TRPM6: variants seen among roughly 807,000 people sequenced by gnomAD.
TRPM6 encodes the protein transient receptor potential cation channel subfamily M member 6, also known as channel kinase 2.
TRPM6 carries 111 observed loss-of-function variants against 247.6 expected under a neutral mutation model. The observed-to-expected ratio is 0.45, with a 90% CI of 0.38 to 0.52. The LOEUF is 0.52. Among genes scored for constraint, TRPM6 ranks in the 20% least tolerant of loss-of-function variants. The probability of loss-of-function intolerance (pLI) is 0.00; values close to 1 mark genes in which losing one functional copy is unlikely to be tolerated. For missense variants in TRPM6, 2,126 were observed against 2,421.5 expected, an observed-to-expected ratio of 0.88 and a Z score of 2.56; for synonymous variants, 892 against 853.8, an observed-to-expected ratio of 1.04 and a Z score of -0.78.
Position 74,840,143 on chromosome 9 carries a change from A to G in TRPM6, c.425T>C (p.Val142Ala). ...AGTAAAGTTCTGGATGCCCCCATGG[A>G]CTGAGATCACAAGCTTGGGCAGTTC... The part of the protein sequence containing the change: ...KMELPKLVIS[V>A]HGGIQNFTMP... The change falls in exon 5 of 39, where the codon GTC (valine) becomes GCC (alanine). Residue 142 changes from valine (V) to alanine (A), a missense_variant. By Grantham distance (64) the Val-to-Ala change is moderately conservative (BLOSUM62 0). Around this residue, in one of 3 missense-constraint regions of TRPM6, gnomAD observed 1,082 missense variants for 1,307.9 expected, o/e 0.83. Coordinates refer to ENST00000360774, the MANE Select transcript of TRPM6 (RefSeq NM_017662.5). 4 of 1,613,952 alleles carry G rather than the reference A, an allele frequency of 2.5e-6. No homozygotes were observed. Among genetic ancestry groups the G allele is most frequent in the Non-Finnish European group, 1.7e-6 (2 of 1,179,862 alleles).
intron 25 of TRPM6, 27 bp downstream of exon 25, chr9:74,771,676 A>C: frequency 6.2e-7 from 1 of 1,611,212 alleles, no homozygotes; most frequent in Non-Finnish European, 8.5e-7. Flanking sequence ...TAGTGGTTTC[A>C]GAATGGAAAA....
chr9:74,789,812 T>A (rs1443556129), intron 19 of TRPM6, among the ~76,000 whole-genome samples: 3 of 151,586 alleles, frequency 2.0e-5, no homozygotes, highest in African/African-American at 7.3e-5. Flanking sequence ...ATACAAAAAA[T>A]TAGCTAGGCA....
At chr9:74,810,520 G>A (rs1221298491) in intron 13 of TRPM6, among the ~76,000 whole-genome samples, 2 of 152,128 alleles carry the variant, frequency 1.3e-5, no homozygotes, top group Non-Finnish European at 2.9e-5. Flanking sequence ...GCACCACCAC[G>A]GTATCGGGGT....
chr9:74,846,089 C>G (rs968970743), intron 3 of TRPM6, among the ~76,000 whole-genome samples: 1 of 152,134 alleles, frequency 6.6e-6, no homozygotes, highest in African/African-American at 2.4e-5. Context: ...GAAAATTTGT[C>G]ATTTATTATA....
chr9:74,792,745 T>C lies in TRPM6; in HGVS notation c.2417A>G (p.His806Arg). 1 of 1,613,996 alleles carries C rather than the reference T, an allele frequency of 6.2e-7. No homozygotes were observed. The highest frequency in any genetic ancestry group is 8.5e-7 in the Non-Finnish European group (1 of 1,179,848). Residue 806 changes from histidine (H) to arginine (R), a missense_variant, in exon 19 of 39, where the codon CAT becomes CGT. Transcript: ENST00000360774. ...CTGATTTTCATCCAGTTTCTCATCA[T>C]GGCCCCTTTCCAAATCATACTCTTT... ...SVKEYDLERG[H>R]DEKLDENQHF...
At chr9:74,815,783 A>G (rs1192740197) in intron 11 of TRPM6, among the ~76,000 whole-genome samples, 1 of 152,270 alleles carries the variant, frequency 6.6e-6, no homozygotes, top group Non-Finnish European at 1.5e-5. Context: ...TTAGCAGGGC[A>G]GAGAACTACC....
intron 1 of TRPM6, among the ~76,000 whole-genome samples, chr9:74,871,617 A>C (rs1370837425): frequency 6.6e-6 from 1 of 152,052 alleles, no homozygotes; most frequent in Non-Finnish European, 1.5e-5. Context: ...AGATCTTCAG[A>C]ATATACACCT....
intron 8 of TRPM6, 34 bp downstream of exon 8, chr9:74,821,635 C>G (rs1487233865): frequency 5.6e-6 from 9 of 1,613,260 alleles, no homozygotes; most frequent in African/African-American, 5.3e-5. Flanking sequence ...TAAACAGCCC[C>G]TATAGTTTCA....
intron 8 of TRPM6, 77 bp from the exon 9 acceptor site, chr9:74,820,504 C>T (rs1411731120): frequency 4.5e-6 from 7 of 1,559,746 alleles, no homozygotes; most frequent in African/African-American, 1.4e-5. Flanking sequence ...GAAAACACCC[C>T]ATCAGCTCCC....
chr9:74,806,224 T>A (rs1341197667), intron 14 of TRPM6, among the ~76,000 whole-genome samples: 2 of 152,074 alleles, frequency 1.3e-5, no homozygotes, highest in Non-Finnish European at 2.9e-5. Flanking sequence ...TTTAAAATTT[T>A]CCATTAAAAA....
intron 1 of TRPM6, among the ~76,000 whole-genome samples, chr9:74,884,440 G>A (rs1325964927): frequency 1.3e-5 from 2 of 152,120 alleles, no homozygotes; most frequent in African/African-American, 4.8e-5. Flanking sequence ...ACTGAGCTGA[G>A]ATCGTGCCAC....
intron 30 of TRPM6, among the ~76,000 whole-genome samples, chr9:74,749,836 G>A (rs1826177810): frequency 6.6e-6 from 1 of 152,158 alleles, no homozygotes. Context: ...GGCTTGCACA[G>A]GGTCCATGAT....
At chr9:74,821,876 T>A in intron 7 of TRPM6, 39 bp from the exon 8 acceptor site, 1 of 1,612,828 alleles carries the variant, frequency 6.2e-7, no homozygotes. Context: ...TGTTAGAGAA[T>A]CCCTAGCTCA....
At chr9:74,848,343 C>T (rs947650515) in intron 3 of TRPM6, among the ~76,000 whole-genome samples, 2 of 152,098 alleles carry the variant, frequency 1.3e-5, no homozygotes, top group African/African-American at 4.8e-5. Context: ...AATCAGATAA[C>T]CCTGACAGCT....
chr9:74,750,812 G>C, intron 29 of TRPM6, 90 bp from the exon 30 acceptor site: 2 of 1,177,238 alleles, frequency 1.7e-6, no homozygotes, highest in Non-Finnish European at 2.6e-6. Context: ...GCTCCTTGGA[G>C]AATCCTTCTT....
intron 23 of TRPM6, among the ~76,000 whole-genome samples, chr9:74,777,071 T>C (rs932955927): frequency 6.6e-6 from 1 of 152,160 alleles, no homozygotes; most frequent in Non-Finnish European, 1.5e-5. Flanking sequence ...GATTGAAACA[T>C]AGATGACTGG....
chr9:74,769,425 A>G (rs1338785463), intron 25 of TRPM6, among the ~76,000 whole-genome samples: 1 of 152,186 alleles, frequency 6.6e-6, no homozygotes, highest in Non-Finnish European at 1.5e-5. Context: ...TTGGGATTAC[A>G]GGAGTGAGCC....
At chr9:74,866,261 C>A (rs1474119700) in intron 1 of TRPM6, among the ~76,000 whole-genome samples, 3 of 152,056 alleles carry the variant, frequency 2.0e-5, no homozygotes, top group Non-Finnish European at 4.4e-5. Flanking sequence ...TTCAGTATAG[C>A]ACAGCACAAA....
chr9:74,803,758 A>G, intron 15 of TRPM6, 36 bp downstream of exon 15: 1 of 1,463,042 alleles, frequency 6.8e-7, no homozygotes, highest in Middle Eastern at 1.7e-4. Flanking sequence ...TGCAAAAAAC[A>G]TTTTCCTTTC....
Sources: gnomAD v4.1 joint callset for allele counts (sites outside exome capture counted in the v4.1 genomes callset) on GRCh38, gnomAD v4.1.1 for gene constraint, gnomAD v4.1.1 regional missense constraint, MANE v1.5 for transcripts, NCBI Gene and HGNC (gene_info 2026-07-23, HGNC 2026-07-21) for gene names.